Variants in NKAIN1 observed in about 807,000 individuals in gnomAD.
The protein encoded by NKAIN1 is sodium/potassium transporting ATPase interacting 1.
In NKAIN1, 13 loss-of-function variants were observed where a neutral mutation model predicts 31.6. The ratio of observed to expected loss-of-function variants is 0.41; its 90% CI spans 0.27 to 0.65. The LOEUF (loss-of-function observed/expected upper bound fraction) is 0.65, where lower values mean the gene tolerates loss of function less well. NKAIN1 is among the 30% of genes least tolerant of loss of function. NKAIN1 has a pLI of 0.30. For missense variants in NKAIN1, 193 were observed against 262.2 expected (o/e 0.74, Z 1.82); for synonymous variants, 104 against 109.0 (o/e 0.95, Z 0.28).
intron 1 of NKAIN1, among the ~76,000 whole-genome samples, chr1:31,201,038 G>C (rs1186462901): frequency 6.6e-6 from 1 of 151,838 alleles, no homozygotes; most frequent in East Asian, 2.0e-4. Context: ...TTGCCATCTT[G>C]GTCAGGCTCA....
At chr1:31,184,076 C>G in intron 3 of NKAIN1, 62 bp from the exon 4 acceptor site, 2 of 1,464,372 alleles carry the variant, frequency 1.4e-6, no homozygotes, top group Non-Finnish European at 1.9e-6. Context: ...GCTACTCCCC[C>G]AGCCCAGGAA....
intron 1 of NKAIN1, among the ~76,000 whole-genome samples, chr1:31,226,181 G>A (rs181504386): frequency 7.9e-5 from 12 of 152,326 alleles, no homozygotes; most frequent in Admixed American, 3.3e-4. Flanking sequence ...GTATAGAGAC[G>A]TCAAGCAACT....
rs530862908 is a variant in NKAIN1 at position 31,187,910 on chromosome 1, T to TTGTTTTGGGTGGAGCCCAAA, written c.192+139_192+140insTTTGGGCTCCACCCAAAACA. On this transcript the variant is annotated intron_variant, in intron 2 of 6. Coordinates refer to ENST00000373736, the MANE Select transcript of NKAIN1 (RefSeq NM_024522.3). ...CAAAGAAGCATGGGGCTGTGCACAT[T>TTGTTTTGGGTGGAGCCCAAA]CACCCCATCTTGTTTTGGGTGGAGC... is the stretch of plus-strand genomic sequence containing the variant. 3.2e-4 allele frequency: 280 copies of TTGTTTTGGGTGGAGCCCAAA among 880,358 alleles called. 15 individuals are homozygous for TTGTTTTGGGTGGAGCCCAAA. In the South Asian group the frequency reaches 5.2e-3, roughly 16 times the overall value. 54.5% of individuals were successfully genotyped at this position (880,358 alleles called of 1,614,324 possible). A position where few individuals can be genotyped will look rare whatever the true frequency, so the allele number is the denominator to read the frequency against.
In NKAIN1 at chr1:31,239,436, G is replaced by C; in HGVS notation, c.54+58C>G. 7.4e-7 allele frequency: 1 copy of C among 1,350,656 alleles called. No individual in the cohort carries two copies. 83.7% of individuals were successfully genotyped at this position (1,350,656 alleles called of 1,614,324 possible). A position where few individuals can be genotyped will look rare whatever the true frequency, so the allele number is the denominator to read the frequency against. ...ACACGCAACCCCACCCGCACGCCCT[G>C]GGACCGCGCCCCGCCGCGCCCCACC... On this transcript the variant is annotated intron_variant, in intron 1 of 6. Coordinates refer to ENST00000373736, the MANE Select transcript of NKAIN1 (RefSeq NM_024522.3). This position sits in a 1 kb window ranked among gnomAD's most constrained non-coding sequence, Gnocchi z 4.8.
At chr1:31,182,676 G>A (rs1645212648) in intron 4 of NKAIN1, 86 bp from the exon 5 acceptor site, 2 of 1,455,254 alleles carry the variant, frequency 1.4e-6, no homozygotes, top group East Asian at 2.3e-5. Context: ...CGCTCTGACT[G>A]GCAAGGGAGG....
At chr1:31,189,905 C>T (rs993175482) in intron 1 of NKAIN1, among the ~76,000 whole-genome samples, 35 of 152,120 alleles carry the variant, frequency 2.3e-4, no homozygotes, top group African/African-American at 7.0e-4. Context: ...GTGGATGGCC[C>T]GCCTGAGGAG....
chr1:31,196,241 C>T (rs182816658), intron 1 of NKAIN1, among the ~76,000 whole-genome samples: 3 of 150,938 alleles, frequency 2.0e-5, no homozygotes, highest in South Asian at 4.2e-4. Flanking sequence ...TGGCCGGGTG[C>T]GGTGGCTCAC....
chr1:31,205,224 G>A (rs1174288422), intron 1 of NKAIN1, among the ~76,000 whole-genome samples: 6 of 151,868 alleles, frequency 4.0e-5, no homozygotes, highest in East Asian at 3.9e-4. Flanking sequence ...TCTGTCTCCC[G>A]GGTTCACACA....
At chr1:31,205,646 C>A (rs1445311936) in intron 1 of NKAIN1, among the ~76,000 whole-genome samples, 2 of 110,648 alleles carry the variant, frequency 1.8e-5, no homozygotes, top group Non-Finnish European at 3.5e-5. Flanking sequence ...GAGATGGAGT[C>A]TCACTCTGTC....
intron 1 of NKAIN1, 35 bp from the exon 2 acceptor site, chr1:31,188,222 C>A: frequency 6.5e-7 from 1 of 1,547,058 alleles, no homozygotes. Context: ...ACTGTCACCC[C>A]CCTGAAAGGG....
chr1:31,193,421 G>C (rs1005008038), intron 1 of NKAIN1, among the ~76,000 whole-genome samples: 1 of 151,904 alleles, frequency 6.6e-6, no homozygotes, highest in Non-Finnish European at 1.5e-5. Context: ...GTCAAGGCCG[G>C]TGCAGTGGCT....
chr1:31,231,676 GCC>G, intron 1 of NKAIN1, among the ~76,000 whole-genome samples: 1 of 143,804 alleles, frequency 7.0e-6, no homozygotes, highest in South Asian at 2.3e-4. Flanking sequence ...AACTACAGGC[GCC>G]CGCCACCACG....
At chr1:31,220,384 T>C (rs935499140) in intron 1 of NKAIN1, among the ~76,000 whole-genome samples, 3 of 152,020 alleles carry the variant, frequency 2.0e-5, no homozygotes, top group Non-Finnish European at 4.4e-5. Context: ...ACATGATCAC[T>C]GATAGCATCT....
intron 1 of NKAIN1, among the ~76,000 whole-genome samples, chr1:31,227,857 C>A (rs1417287876): frequency 6.6e-6 from 1 of 152,182 alleles, no homozygotes; most frequent in African/African-American, 2.4e-5. Flanking sequence ...CCCCTGTCCT[C>A]CCTGGTGGCT....
intron 1 of NKAIN1, among the ~76,000 whole-genome samples, chr1:31,216,113 G>C (rs995386471): frequency 6.6e-6 from 1 of 151,292 alleles, no homozygotes; most frequent in African/African-American, 2.5e-5. Flanking sequence ...CCTCTATCTC[G>C]CAGGCAGGCT....
chr1:31,231,812 G>A (rs575073945), intron 1 of NKAIN1, among the ~76,000 whole-genome samples: 17 of 152,164 alleles, frequency 1.1e-4, no homozygotes, highest in Non-Finnish European at 2.4e-4. Context: ...TTACAAGCGT[G>A]AGCCACTGCA....
chr1:31,193,004 A>T (rs911861287), intron 1 of NKAIN1, among the ~76,000 whole-genome samples: 1 of 141,028 alleles, frequency 7.1e-6, no homozygotes, highest in Non-Finnish European at 1.5e-5. Flanking sequence ...CATCTCTATT[A>T]AAAAAAAAAA....
At chr1:31,238,225 G>A (rs1026660316) in intron 1 of NKAIN1, among the ~76,000 whole-genome samples, 1 of 152,170 alleles carries the variant, frequency 6.6e-6, no homozygotes, top group African/African-American at 2.4e-5. Flanking sequence ...GTGTCCCCAG[G>A]AGGAGAGAAG....
At position 31,192,511 on chromosome 1, in the gene NKAIN1, A is replaced by G. The variant is rs189070349; in HGVS notation, c.55-4324T>C. Among the ~76,000 whole-genome samples, 637 of 152,226 alleles carry G rather than the reference A, an allele frequency of 4.2e-3. 36 individuals are homozygous for G. In the East Asian group the frequency reaches 0.099, roughly 24 times the overall value. ...ATTCAGGGCTATGACCCAGGCCTGG[A>G]AAAGGCCGTCTCTTCCTCCGATGGT... On this transcript the variant is annotated intron_variant, in intron 1 of 6. Coordinates refer to ENST00000373736, the MANE Select transcript of NKAIN1 (RefSeq NM_024522.3).
Sources: gnomAD v4.1 joint callset for allele counts (sites outside exome capture counted in the v4.1 genomes callset) on GRCh38, gnomAD v4.1.1 for gene constraint, Gnocchi (gnomAD v3.1) non-coding constraint, MANE v1.5 for transcripts, NCBI Gene and HGNC (gene_info 2026-07-23, HGNC 2026-07-21) for gene names.